Variants in ESR1 observed in about 807,000 individuals in gnomAD.
ESR1 encodes the protein estrogen receptor.
A neutral mutation model predicts 52.7 loss-of-function variants in ESR1; 12 were observed. That is an observed-to-expected ratio of 0.23 (90% CI 0.15 to 0.37). The LOEUF (loss-of-function observed/expected upper bound fraction) is 0.37, where lower values mean the gene tolerates loss of function less well. ESR1 is among the 10% of genes least tolerant of loss of function. ESR1 has a pLI of 1.00. For synonymous variants in ESR1, 305 were observed against 316.8 expected (o/e 0.96, Z 0.39); for missense variants, 584 against 779.7 (o/e 0.75, Z 2.99).
At chr6:151,816,885 A>T (rs184741647) in intron 1 of ESR1, among the ~76,000 whole-genome samples, 150 of 152,290 alleles carry the variant, frequency 9.8e-4, no homozygotes, top group South Asian at 2.3e-3. Context: ...CTACAAAAAA[A>T]CAAAAACAAA....
chr6:151,672,150 C>T (rs1035434362), intron 1 of ESR1, among the ~76,000 whole-genome samples: 6 of 150,620 alleles, frequency 4.0e-5, no homozygotes, highest in African/African-American at 1.5e-4. Context: ...AAGTTCTTAC[C>T]ACAAAAAAAT....
chr6:151,924,627 C>T (rs2032350111), intron 3 of ESR1, among the ~76,000 whole-genome samples: 1 of 152,040 alleles, frequency 6.6e-6, no homozygotes, highest in African/African-American at 2.4e-5. Context: ...CTCTTGTTCC[C>T]CTCTTTATGC....
intron 2 of ESR1, among the ~76,000 whole-genome samples, chr6:151,775,740 C>T (rs1459806984): frequency 6.8e-6 from 1 of 146,150 alleles, no homozygotes; most frequent in African/African-American, 2.6e-5. Context: ...ATCGAGACTC[C>T]GTCTCAAAAA....
At chr6:151,910,165 ATAGCCAC>A (rs1798050591) in intron 3 of ESR1, among the ~76,000 whole-genome samples, 1 of 151,662 alleles carries the variant, frequency 6.6e-6, no homozygotes, top group Non-Finnish European at 1.5e-5. Context: ...ACCCATTTTG[ATAGCCAC>A]TAGCCACAGG....
intron 3 of ESR1, among the ~76,000 whole-genome samples, chr6:151,943,166 G>T (rs1584376532): frequency 6.6e-6 from 1 of 152,204 alleles, no homozygotes. Context: ...AGATCACAAG[G>T]TCAGGAAATC....
intron 6 of ESR1, chr6:152,122,472 G>A (rs781460714): frequency 1.2e-6 from 2 of 1,614,188 alleles, no homozygotes; most frequent in Non-Finnish European, 1.7e-6. Flanking sequence ...ATCTGAGCAT[G>A]GGGTGGAATG....
intron 2 of ESR1, among the ~76,000 whole-genome samples, chr6:151,745,508 G>A (rs1376669643): frequency 6.6e-6 from 1 of 152,074 alleles, no homozygotes; most frequent in Non-Finnish European, 1.5e-5. Flanking sequence ...CATTTTATGG[G>A]TAGACTAACA....
intron 4 of ESR1, among the ~76,000 whole-genome samples, chr6:151,948,558 A>G (rs186518343): frequency 3.9e-5 from 6 of 152,030 alleles, no homozygotes; most frequent in African/African-American, 1.4e-4. Context: ...CACCTTAACC[A>G]CTTCCTCATT....
intron 5 of ESR1, among the ~76,000 whole-genome samples, chr6:152,046,509 G>A (rs978667295): frequency 6.6e-6 from 1 of 152,192 alleles, no homozygotes; most frequent in African/African-American, 2.4e-5. Flanking sequence ...GTTACATATT[G>A]ACTGTATTTT....
intron 5 of ESR1, among the ~76,000 whole-genome samples, chr6:152,025,205 CT>C (rs144645557): frequency 0.35 from 44,099 of 127,240 alleles, 7,561 homozygotes; most frequent in African/African-American, 0.53. Flanking sequence ...CTTCATCACG[CT>C]TTTTTTTTTT....
At chr6:152,030,570 T>C (rs2044601625) in intron 5 of ESR1, among the ~76,000 whole-genome samples, 1 of 152,170 alleles carries the variant, frequency 6.6e-6, no homozygotes, top group Admixed American at 6.5e-5. Context: ...AAGGGATCAA[T>C]TCAACAAGAA....
chr6:152,023,040 G>A (rs1289346631), intron 5 of ESR1, among the ~76,000 whole-genome samples: 1 of 151,672 alleles, frequency 6.6e-6, no homozygotes, highest in Admixed American at 6.6e-5. Context: ...CCAGAGAGAT[G>A]GACAGGAGTA....
intron 1 of ESR1, among the ~76,000 whole-genome samples, chr6:151,659,091 G>A (rs1263356480): frequency 2.6e-5 from 4 of 151,822 alleles, no homozygotes; most frequent in Admixed American, 1.3e-4. Context: ...TCGGCTCACC[G>A]CAACCTCCGC....
chr6:152,055,308 C>T (rs577232564), intron 5 of ESR1, among the ~76,000 whole-genome samples: 82 of 152,254 alleles, frequency 5.4e-4, no homozygotes, highest in Middle Eastern at 3.4e-3. Context: ...CAACCAAGCA[C>T]GCCAGGGTTC....
intron 1 of ESR1, among the ~76,000 whole-genome samples, chr6:151,827,928 A>G (rs1219160801): frequency 6.6e-6 from 1 of 152,246 alleles, no homozygotes; most frequent in African/African-American, 2.4e-5. Flanking sequence ...ATGTTATACA[A>G]TGTCATCATC....
At chr6:151,670,024 A>G (rs1283501782) in intron 1 of ESR1, among the ~76,000 whole-genome samples, 1 of 152,158 alleles carries the variant, frequency 6.6e-6, no homozygotes, top group Non-Finnish European at 1.5e-5. Context: ...CTCACTTTGC[A>G]CTTCGAATAA....
intron 4 of ESR1, among the ~76,000 whole-genome samples, chr6:152,003,735 C>T (rs563391563): frequency 6.6e-6 from 1 of 152,014 alleles, no homozygotes; most frequent in East Asian, 1.9e-4. Flanking sequence ...TTCATACTCC[C>T]CTTTGTCAAA....
rs2295191 is a variant in ESR1 at position 152,122,621 on chromosome 6, C to T, written c.851-2645C>T. 13,585 of 1,614,110 alleles carry T rather than the reference C, an allele frequency of 8.4e-3. 518 individuals carry two copies. In the East Asian group the frequency reaches 0.11, roughly 13 times the overall value. ...AGGACTCTGAACAGGAAGCCGCGGCCGGACCGACCTGGCCCTGGCTCAGAA... is the reference window on the plus strand; with the variant it reads ...AGGACTCTGAACAGGAAGCCGCGGCTGGACCGACCTGGCCCTGGCTCAGAA... On this transcript the variant is annotated intron_variant, in intron 6 of 6. Coordinates refer to the ESR1 transcript ENST00000427531.
chr6:151,918,408 C>T (rs1442888746), intron 3 of ESR1, among the ~76,000 whole-genome samples: 1 of 152,228 alleles, frequency 6.6e-6, no homozygotes, highest in East Asian at 1.9e-4. Context: ...CATTGCTCAT[C>T]TGTGCCTAAG....
Sources: allele counts gnomAD v4.1 joint callset (sites outside exome capture counted in the v4.1 genomes callset), GRCh38; gene constraint gnomAD v4.1.1; transcripts MANE v1.5; gene names NCBI Gene and HGNC (gene_info 2026-07-23, HGNC 2026-07-21).